The following TRIM24 variants were observed in gnomAD, a reference collection of about 807,000 sequenced individuals.
TRIM24 encodes tripartite motif containing 24, also known as transcription intermediary factor 1-alpha.
Under a neutral mutation model 123.9 loss-of-function variants are expected in TRIM24, and 29 were observed. The ratio of observed to expected loss-of-function variants is 0.23; its 90% confidence interval spans 0.17 to 0.32. TRIM24 has a LOEUF of 0.32. TRIM24 is among the 10% of genes least tolerant of loss of function. TRIM24 has a pLI of 1.00. For synonymous variants in TRIM24, 456 were observed against 461.1 expected (o/e 0.99, Z 0.14); for missense variants, 932 against 1,295.3 (o/e 0.72, Z 4.31).
intron 2 of TRIM24, among the ~76,000 whole-genome samples, chr7:138,505,507 G>GT (rs375751371): frequency 0.45 from 64,909 of 143,646 alleles, 14,442 homozygotes; most frequent in African/African-American, 0.51. Context: ...TTTGGGGGTG[G>GT]TGGTTGTTGT....
At chr7:138,486,515 A>G (rs1021320349) in intron 1 of TRIM24, among the ~76,000 whole-genome samples, 1 of 152,186 alleles carries the variant, frequency 6.6e-6, no homozygotes, top group Non-Finnish European at 1.5e-5. Flanking sequence ...ATTTTTGTAT[A>G]AGGTGTAAGG....
At chr7:138,571,556 T>A (rs1797656496) in intron 11 of TRIM24, among the ~76,000 whole-genome samples, 3 of 152,090 alleles carry the variant, frequency 2.0e-5, no homozygotes, top group Non-Finnish European at 4.4e-5. Flanking sequence ...CATGGAAAGA[T>A]ATGCTGGGAC....
intron 3 of TRIM24, among the ~76,000 whole-genome samples, chr7:138,516,808 G>GTTT (rs1224612357): frequency 1.5e-5 from 2 of 131,874 alleles, no homozygotes; most frequent in African/African-American, 5.8e-5. Context: ...TAGCAAAACC[G>GTTT]TTTTGTTTTT....
intron 4 of TRIM24, among the ~76,000 whole-genome samples, chr7:138,523,346 A>T (rs1796541334): frequency 6.6e-6 from 1 of 152,270 alleles, no homozygotes; most frequent in Admixed American, 6.5e-5. Context: ...CTTTTGCTAA[A>T]TACAATAGAA....
rs1444948663 is a variant in TRIM24 at position 138,496,813 on chromosome 7, A to AT, written c.365-7468dup. On this transcript the variant is annotated intron_variant, in intron 1 of 18. Transcript: ENST00000343526. ...TCTGTGCCCAGCCAAAATTTTTCAGATTTTTTTTTCCAGATATATTGAGAT... is the reference window on the plus strand; with the variant it reads ...TCTGTGCCCAGCCAAAATTTTTCAGATTTTTTTTTTCCAGATATATTGAGAT... Among the ~76,000 whole-genome samples the AT allele has an allele frequency of 3.3e-5, 5 of 150,820 alleles. 1 individual carries two copies. The South Asian group carries it at 6.3e-4, about 19-fold the overall frequency.
At chr7:138,497,834 G>C (rs1045556168) in intron 1 of TRIM24, among the ~76,000 whole-genome samples, 2 of 148,298 alleles carry the variant, frequency 1.3e-5, no homozygotes, top group Admixed American at 1.4e-4. Context: ...GGGACTACAG[G>C]CACACGCCAC....
rs575637852 is a variant in TRIM24 at position 138,585,755 on chromosome 7, C to T, written c.*804C>T. On this transcript the variant is annotated 3_prime_UTR_variant, in exon 19 of 19. Coordinates refer to ENST00000343526, the MANE Select transcript of TRIM24 (RefSeq NM_015905.3). ...TGTGTCTATGTGAGGTTTAATTGTA[C>T]AGGTGATCCTTTTACAACAAGCCTC... The T allele has an allele frequency of 2.7e-5, 14 of 518,138 alleles. No individual in the cohort carries two copies. Among genetic ancestry groups the T allele is most frequent in the Admixed American group, 2.4e-4 (12 of 50,008 alleles). The allele number at this position is 518,138 out of a possible 1,614,324, so 32.1% of individuals were successfully genotyped here. A position where few individuals can be genotyped will look rare whatever the true frequency, so the allele number is the denominator to read the frequency against.
chr7:138,582,496 C>A (rs545749425), intron 17 of TRIM24, among the ~76,000 whole-genome samples: 14 of 147,536 alleles, frequency 9.5e-5, no homozygotes, highest in African/African-American at 3.5e-4. Flanking sequence ...GAGCCGAGAT[C>A]ATGCCACTGC....
chr7:138,495,484 T>C (rs1190013121), intron 1 of TRIM24, among the ~76,000 whole-genome samples: 1 of 152,124 alleles, frequency 6.6e-6, no homozygotes, highest in African/African-American at 2.4e-5. Flanking sequence ...CTGACTTACA[T>C]TGTAGCTGAC....
chr7:138,463,043 GTTTTTTTTTT>G (rs57719141), intron 1 of TRIM24, among the ~76,000 whole-genome samples: 13 of 60,136 alleles, frequency 2.2e-4, no homozygotes, highest in African/African-American at 3.7e-4. Context: ...CTAATTTTGT[GTTTTTTTTTT>G]TTTTTTTTTT....
At chr7:138,558,246 T>C (rs1797355861) in intron 9 of TRIM24, among the ~76,000 whole-genome samples, 1 of 152,146 alleles carries the variant, frequency 6.6e-6, no homozygotes, top group Non-Finnish European at 1.5e-5. Flanking sequence ...TTTGGAATTA[T>C]TTATCCTGCC....
At chr7:138,493,692 A>G (rs1300619843) in intron 1 of TRIM24, among the ~76,000 whole-genome samples, 1 of 152,154 alleles carries the variant, frequency 6.6e-6, no homozygotes, top group East Asian at 1.9e-4. Context: ...ACACTCCAGC[A>G]TTTTAGAGCA....
intron 1 of TRIM24, among the ~76,000 whole-genome samples, chr7:138,463,989 C>T (rs1385722907): frequency 4.7e-3 from 238 of 50,706 alleles, no homozygotes; most frequent in Non-Finnish European, 5.2e-3. Context: ...AAAATTTAGA[C>T]TTTTTTTTTT....
intron 9 of TRIM24, among the ~76,000 whole-genome samples, chr7:138,562,988 C>T (rs1412950769): frequency 2.0e-5 from 3 of 152,192 alleles, no homozygotes; most frequent in Non-Finnish European, 2.9e-5. Context: ...CCTCCTATAA[C>T]GAACCTCCTT....
At chr7:138,536,110 C>A (rs1796867242) in intron 6 of TRIM24, among the ~76,000 whole-genome samples, 1 of 152,086 alleles carries the variant, frequency 6.6e-6, no homozygotes, top group African/African-American at 2.4e-5. Flanking sequence ...TCTAGTTAGC[C>A]ATTCATCTAA....
At chr7:138,558,304 G>A (rs1003004146) in intron 9 of TRIM24, among the ~76,000 whole-genome samples, 2 of 152,138 alleles carry the variant, frequency 1.3e-5, no homozygotes, top group African/African-American at 4.8e-5. Flanking sequence ...TGCTGTCCTA[G>A]GCAAGTTAAT....
chr7:138,492,903 C>G (rs190122855), intron 1 of TRIM24, among the ~76,000 whole-genome samples: 67 of 152,172 alleles, frequency 4.4e-4, no homozygotes, highest in Admixed American at 8.5e-4. Flanking sequence ...CCACAGGTGC[C>G]TTAGGTTCTG....
rs1008878636 is a variant in TRIM24, at chr7:138,460,308, C to A, written c.-241C>A. On this transcript the variant is annotated 5_prime_UTR_variant, in exon 1 of 19. Coordinates refer to ENST00000343526, the MANE Select transcript of TRIM24 (RefSeq NM_015905.3). The stretch of plus-strand genomic sequence containing the variant: ...TGGCGAAGCGGACGGGGTGCAGCCT[C>A]CCCGGTGCGAGGAACGGTCTCCGCT... 2.5e-6 allele frequency: 1 copy of A among 396,954 alleles called. No individual in the cohort carries two copies. Among genetic ancestry groups the A allele is most frequent in the Non-Finnish European group, 4.4e-6 (1 of 229,048 alleles). The allele number at this position is 396,954 out of a possible 1,614,324, so 24.6% of individuals were successfully genotyped here. A position where few individuals can be genotyped will look rare whatever the true frequency, so the allele number is the denominator to read the frequency against.
intron 6 of TRIM24, among the ~76,000 whole-genome samples, chr7:138,533,851 T>C (rs923854630): frequency 6.6e-6 from 1 of 152,122 alleles, no homozygotes; most frequent in African/African-American, 2.4e-5. Context: ...GTCCTAGACT[T>C]TTTTTGGTTG....
Sources: gnomAD v4.1 joint callset for allele counts (sites outside exome capture counted in the v4.1 genomes callset) on GRCh38, gnomAD v4.1.1 for gene constraint, MANE v1.5 for transcripts, NCBI Gene and HGNC (gene_info 2026-07-23, HGNC 2026-07-21) for gene names.